ARHGAP27: variants seen among roughly 807,000 people sequenced by gnomAD.
The protein encoded by ARHGAP27 is Rho GTPase activating protein 27.
Under a neutral mutation model 102.0 loss-of-function variants are expected in ARHGAP27, and 53 were observed. The ratio of observed to expected loss-of-function variants is 0.52; its 90% confidence interval spans 0.42 to 0.65. ARHGAP27 has a LOEUF of 0.65. ARHGAP27 is among the 30% of genes least tolerant of loss of function. ARHGAP27 has a pLI of 0.00. For synonymous variants in ARHGAP27, 525 were observed against 542.8 expected (o/e 0.97, Z 0.46); for missense variants, 1,117 against 1,256.2 (o/e 0.89, Z 1.68).
chr17:45,395,848 C>T lies in ARHGAP27; in HGVS notation c.2388G>A (p.Lys796=), dbSNP rs771150137. 1.2e-6 allele frequency: 2 copies of T among 1,600,550 alleles called. No homozygotes were observed. Among genetic ancestry groups the T allele is most frequent in the African/African-American group, 1.3e-5 (1 of 74,786 alleles). ...SHFRQFIAAI[K]LQDQARRSRC... is the part of the protein sequence containing the mutation. ...GGCTGCGCCGGGCCTGGTCCTGCAACTCTGGGTGAGGGAAGGTTTAGAGGG... is the reference window on the plus strand; with the variant it reads ...GGCTGCGCCGGGCCTGGTCCTGCAATTCTGGGTGAGGGAAGGTTTAGAGGG... Residue 796 remains lysine (K), a splice_region_variant and synonymous_variant, in exon 19 of 20, where the codon AAG becomes AAA. Transcript: ENST00000685559.
chr17:45,411,013 C>T (rs1486366820), intron 4 of ARHGAP27, among the ~76,000 whole-genome samples: 1 of 152,120 alleles, frequency 6.6e-6, no homozygotes, highest in African/African-American at 2.4e-5. Flanking sequence ...ATATGCCCTC[C>T]CACGCCTGCA....
chr17:45,414,083 G>C (rs1426833047), intron 4 of ARHGAP27, among the ~76,000 whole-genome samples: 1 of 150,418 alleles, frequency 6.6e-6, no homozygotes, highest in Non-Finnish European at 1.5e-5. Flanking sequence ...TCCAGCCTGG[G>C]TGACAGAGCG....
chr17:45,424,961 A>T (rs1440737677), intron 4 of ARHGAP27, among the ~76,000 whole-genome samples: 11 of 148,558 alleles, frequency 7.4e-5, no homozygotes, highest in African/African-American at 2.5e-4. Context: ...AGAGCCAGGC[A>T]CAGGCTCCAG....
At chr17:45,425,945 T>C (rs1453340821) in intron 4 of ARHGAP27, among the ~76,000 whole-genome samples, 4 of 152,080 alleles carry the variant, frequency 2.6e-5, no homozygotes, top group African/African-American at 9.7e-5. Context: ...CTCAGAAGGG[T>C]TTGCTTCTGC....
chr17:45,415,784 G>C (rs1480411224), intron 4 of ARHGAP27, among the ~76,000 whole-genome samples: 1 of 152,294 alleles, frequency 6.6e-6, no homozygotes, highest in Non-Finnish European at 1.5e-5. Flanking sequence ...GCAGGGCAAT[G>C]AGTCAATGTC....
chr17:45,406,130 A>C (rs2047141101), intron 4 of ARHGAP27, 47 bp from the exon 5 acceptor site: 1 of 1,473,468 alleles, frequency 6.8e-7, no homozygotes, highest in South Asian at 1.3e-5. Context: ...AAACCTTCCA[A>C]AATGGTAACA....
At chr17:45,404,007 C>G in intron 10 of ARHGAP27, 22 bp downstream of exon 10, 1 of 1,613,572 alleles carries the variant, frequency 6.2e-7, no homozygotes, top group Non-Finnish European at 8.5e-7. Flanking sequence ...CTGCCCCGGC[C>G]TGAGTGTAGA....
At chr17:45,431,111 C>T (rs962209129) in intron 3 of ARHGAP27, among the ~76,000 whole-genome samples, 3 of 151,844 alleles carry the variant, frequency 2.0e-5, no homozygotes, top group African/African-American at 7.3e-5. Flanking sequence ...GTGACCCCTA[C>T]AGTGTCCCCA....
chr17:45,415,639 T>G (rs2048376939), intron 4 of ARHGAP27, among the ~76,000 whole-genome samples: 1 of 152,216 alleles, frequency 6.6e-6, no homozygotes, highest in South Asian at 2.1e-4. Flanking sequence ...CCTGCTGGCT[T>G]TGCCTCATCT....
At chr17:45,397,391 G>A in intron 13 of ARHGAP27, 1 of 871,960 alleles carries the variant, frequency 1.1e-6, no homozygotes, top group Non-Finnish European at 1.5e-6. Context: ...TCCAGCTGTG[G>A]CCGGAGCACT....
rs771308953 is a variant in ARHGAP27, at chr17:45,427,430, C to A, written c.657+2193G>T. Among the ~76,000 whole-genome samples the A allele has an allele frequency of 6.6e-6, 1 of 152,266 alleles. No homozygotes were observed. The highest frequency in any genetic ancestry group is 1.5e-5 in the Non-Finnish European group (1 of 68,050). ...CCAGGATCGTGGCTGTGCCTCAGTC[C>A]TCTCCAGATCCGAAGGCTCACCAGG... On this transcript the variant is annotated intron_variant, in intron 4 of 19. Coordinates refer to ENST00000685559, the MANE Select transcript of ARHGAP27 (RefSeq NM_001282290.2). This position sits in a 1 kb window ranked among gnomAD's most constrained non-coding sequence, Gnocchi z 4.5.
chr17:45,424,891 C>T (rs1192951224), intron 4 of ARHGAP27, among the ~76,000 whole-genome samples: 2 of 152,132 alleles, frequency 1.3e-5, no homozygotes, highest in Non-Finnish European at 2.9e-5. Context: ...GGCAGGTGGG[C>T]TTGTCCTGGG....
rs372796658 is a variant in ARHGAP27, at chr17:45,402,269, G to A, written c.1743+445C>T. 2.1e-4 allele frequency among the ~76,000 whole-genome samples: 32 copies of A among 152,278 alleles called. 1 individual carries two copies. The East Asian group carries it at 2.9e-3, about 14-fold the overall frequency. ...CCTCCTGTCTCTCTCAGGCTGGGAC[G>A]AGGGCTGCCATTCTAGTCATGAGAA... On this transcript the variant is annotated intron_variant, in intron 12 of 19. Coordinates refer to ENST00000685559, the MANE Select transcript of ARHGAP27 (RefSeq NM_001282290.2).
intron 4 of ARHGAP27, among the ~76,000 whole-genome samples, chr17:45,423,928 G>T (rs1359604832): frequency 6.6e-6 from 1 of 152,234 alleles, no homozygotes; most frequent in African/African-American, 2.4e-5. Flanking sequence ...TTGTAATGGA[G>T]TTAAGCTATT....
rs373038038 is a variant in ARHGAP27, at chr17:45,405,784, G to A, written c.957C>T (p.Tyr319=). ...WDEESRRVFF[Y]NPLTGETAWE... is the part of the protein sequence containing the mutation. ...AGGCCGTCTCGCCCGTCAGCGGGTTGTAGAAGAACACCCTGCGGCTCTCCT... is the reference window on the plus strand; with the variant it reads ...AGGCCGTCTCGCCCGTCAGCGGGTTATAGAAGAACACCCTGCGGCTCTCCT... The change falls in exon 5 of 20, where the codon TAC becomes TAT. Residue 319 remains tyrosine, a synonymous_variant. Coordinates refer to ENST00000685559, the MANE Select transcript of ARHGAP27 (RefSeq NM_001282290.2). 31 of 1,562,550 alleles carry A rather than the reference G, an allele frequency of 2.0e-5. 1 individual carries two copies. The African/African-American group carries it at 2.0e-4, about 10-fold the overall frequency.
chr17:45,428,416 G>T (rs2049808895), intron 4 of ARHGAP27, among the ~76,000 whole-genome samples: 2 of 152,366 alleles, frequency 1.3e-5, no homozygotes, highest in African/African-American at 4.8e-5. Context: ...GAGGACGCTG[G>T]GCCTGGGGGA....
At chr17:45,411,894 G>A (rs2047954680) in intron 4 of ARHGAP27, among the ~76,000 whole-genome samples, 1 of 152,184 alleles carries the variant, frequency 6.6e-6, no homozygotes. Flanking sequence ...AATAGCCTCT[G>A]TAAATTCCAG....
intron 12 of ARHGAP27, among the ~76,000 whole-genome samples, chr17:45,400,347 G>T (rs1286172072): frequency 6.6e-6 from 1 of 152,118 alleles, no homozygotes; most frequent in African/African-American, 2.4e-5. Flanking sequence ...GCTGTCTCTT[G>T]AGGAAAACCC....
intron 4 of ARHGAP27, among the ~76,000 whole-genome samples, chr17:45,413,182 G>A (rs1172106259): frequency 6.6e-6 from 1 of 151,596 alleles, no homozygotes; most frequent in Admixed American, 6.6e-5. Context: ...GTTTCATCGT[G>A]TTGGCCAGGC....
Sources: gnomAD v4.1 joint callset for allele counts (sites outside exome capture counted in the v4.1 genomes callset) on GRCh38, gnomAD v4.1.1 for gene constraint, Gnocchi (gnomAD v3.1) non-coding constraint, MANE v1.5 for transcripts, NCBI Gene and HGNC (gene_info 2026-07-23, HGNC 2026-07-21) for gene names.